JAK2: variants seen among roughly 807,000 people sequenced by gnomAD.
The protein encoded by JAK2 is Janus kinase 2, also known as tyrosine-protein kinase JAK2.
JAK2 carries 86 observed loss-of-function variants against 139.3 expected under a neutral mutation model. The observed-to-expected ratio is 0.62, with a 90% CI of 0.52 to 0.74. The LOEUF is 0.74. Among genes scored for constraint, JAK2 ranks in the 30% least tolerant of loss-of-function variants. The pLI is 0.00. For missense variants in JAK2, 1,421 were observed against 1,360.3 expected (o/e 1.04, Z -0.70); for synonymous variants, 490 against 437.7 (o/e 1.12, Z -1.49).
At chr9:5,058,441 T>G (rs964644382) in intron 8 of JAK2, among the ~76,000 whole-genome samples, 4 of 152,118 alleles carry the variant, frequency 2.6e-5, no homozygotes, top group African/African-American at 9.7e-5. Flanking sequence ...CTCACTATCA[T>G]GAGAACAGCA....
intron 22 of JAK2, chr9:5,099,262 T>C (rs554107014): frequency 6.6e-6 from 1 of 152,254 alleles, no homozygotes; most frequent in East Asian, 1.9e-4. Flanking sequence ...ATCTAACCAG[T>C]TTTATACCTA....
intron 16 of JAK2, among the ~76,000 whole-genome samples, chr9:5,079,498 GTTT>G (rs113012776): frequency 6.8e-6 from 1 of 145,992 alleles, no homozygotes; most frequent in African/African-American, 2.5e-5. Flanking sequence ...TGGTCCTTGG[GTTT>G]TTTTTTTTAT....
In JAK2 at chr9:5,017,108, T is replaced by A. The variant is rs560558468; in HGVS notation, c.-25-4855T>A. Among the ~76,000 whole-genome samples, 19 of 152,324 alleles carry A rather than the reference T, an allele frequency of 1.2e-4. No homozygotes were observed. The East Asian group carries it at 2.5e-3, about 20-fold the overall frequency. ...TGACATGTAGGAGTGATAGCAGACT[T>A]CATATTTATGTTAATAGATACCACA... is the stretch of plus-strand genomic sequence containing the variant. On this transcript the variant is annotated intron_variant, in intron 2 of 24. Transcript: ENST00000381652.
chr9:5,080,707 G>C (rs888332646), intron 18 of JAK2, 24 bp downstream of exon 18: 16 of 1,488,680 alleles, frequency 1.1e-5, no homozygotes, highest in Non-Finnish European at 1.2e-5. Context: ...TGATCTTATT[G>C]ATTTTCCAGC....
intron 3 of JAK2, among the ~76,000 whole-genome samples, chr9:5,027,582 G>A (rs145510297): frequency 5.2e-4 from 79 of 152,170 alleles, no homozygotes; most frequent in African/African-American, 1.7e-3. Context: ...TCTTCCTTTC[G>A]TGAAAGATGT....
intron 2 of JAK2, among the ~76,000 whole-genome samples, chr9:4,992,491 A>G (rs945482368): frequency 6.6e-6 from 1 of 152,132 alleles, no homozygotes; most frequent in Non-Finnish European, 1.5e-5. Flanking sequence ...TTGGACAATT[A>G]TTAATACTAT....
At chr9:5,017,702 A>G (rs1034762976) in intron 2 of JAK2, among the ~76,000 whole-genome samples, 2 of 152,230 alleles carry the variant, frequency 1.3e-5, no homozygotes, top group African/African-American at 4.8e-5. Flanking sequence ...TCAAGGAATT[A>G]TGTATTTTTG....
chr9:5,101,942 G>C (rs933231560), intron 22 of JAK2, among the ~76,000 whole-genome samples: 1 of 152,160 alleles, frequency 6.6e-6, no homozygotes, highest in African/African-American at 2.4e-5. Flanking sequence ...ACAAAGATGG[G>C]GAGAAACCAG....
At chr9:5,085,115 T>G (rs769002539) in intron 19 of JAK2, 5 of 652,376 alleles carry the variant, frequency 7.7e-6, no homozygotes, top group African/African-American at 1.8e-5. Context: ...AGGTAGGTTG[T>G]TTGTTTTACA....
At chr9:5,112,531 G>T in intron 22 of JAK2, 1 of 591,980 alleles carries the variant, frequency 1.7e-6, no homozygotes, top group East Asian at 3.0e-5. Context: ...GCAGAAGGCC[G>T]AGTGGGAGAA....
At chr9:5,035,705 A>G (rs905889090) in intron 4 of JAK2, among the ~76,000 whole-genome samples, 18 of 152,222 alleles carry the variant, frequency 1.2e-4, no homozygotes, top group African/African-American at 4.3e-4. Flanking sequence ...AACTCTCAAT[A>G]AATTAGGTAT....
intron 22 of JAK2, among the ~76,000 whole-genome samples, chr9:5,101,292 C>G (rs1261354217): frequency 6.6e-6 from 1 of 152,204 alleles, no homozygotes; most frequent in African/African-American, 2.4e-5. Flanking sequence ...GCACAGCAGC[C>G]TAAGATCCAC....
At chr9:5,117,889 T>C (rs551288238) in intron 22 of JAK2, among the ~76,000 whole-genome samples, 8 of 152,294 alleles carry the variant, frequency 5.3e-5, no homozygotes, top group African/African-American at 1.9e-4. Context: ...TTTATGAGGA[T>C]CTAGGCCACT....
At chr9:5,003,815 A>G (rs1456650757) in intron 2 of JAK2, among the ~76,000 whole-genome samples, 2 of 151,694 alleles carry the variant, frequency 1.3e-5, no homozygotes, top group East Asian at 3.9e-4. Context: ...ATATTTTACC[A>G]TTAGGTATAT....
chr9:5,107,805 C>G (rs1822092393), intron 22 of JAK2: 2 of 152,136 alleles, frequency 1.3e-5, no homozygotes, highest in Non-Finnish European at 2.9e-5. Flanking sequence ...ACTCTAGCAT[C>G]TATAATACCC....
chr9:5,112,742 A>T, intron 22 of JAK2: 1 of 701,524 alleles, frequency 1.4e-6, no homozygotes, highest in Non-Finnish European at 2.2e-6. Flanking sequence ...AGCCTGTTTG[A>T]AACGGCGAGA....
intron 2 of JAK2, among the ~76,000 whole-genome samples, chr9:4,998,803 A>G (rs1820751099): frequency 6.6e-6 from 1 of 151,744 alleles, no homozygotes; most frequent in African/African-American, 2.4e-5. Flanking sequence ...AATAATTTAT[A>G]TTTTCTTCTC....
At chr9:5,073,830 G>C (rs1819134985) in intron 14 of JAK2, 45 bp downstream of exon 14, 1 of 1,260,406 alleles carries the variant, frequency 7.9e-7, no homozygotes, top group Non-Finnish European at 1.1e-6. Flanking sequence ...CAGAGCATCT[G>C]TTTTTGTTTA....
intron 4 of JAK2, among the ~76,000 whole-genome samples, chr9:5,038,805 C>CTA (rs1378743876): frequency 1.3e-5 from 2 of 152,038 alleles, no homozygotes; most frequent in African/African-American, 4.8e-5. Flanking sequence ...AGATGAAATA[C>CTA]TATGACCAGG....
Sources: allele counts gnomAD v4.1 joint callset (sites outside exome capture counted in the v4.1 genomes callset), GRCh38; gene constraint gnomAD v4.1.1; transcripts MANE v1.5; gene names NCBI Gene and HGNC (gene_info 2026-07-23, HGNC 2026-07-21).